PCDH11X: variants seen among roughly 807,000 people sequenced by gnomAD.
PCDH11X encodes the protein protocadherin 11 X-linked.
Under a neutral mutation model 53.3 loss-of-function variants are expected in PCDH11X, and 18 were observed. The observed-to-expected ratio is 0.34, with a 90% CI of 0.23 to 0.50. The LOEUF (loss-of-function observed/expected upper bound fraction) is 0.50. PCDH11X is among the 20% of genes least tolerant of loss of function. The pLI, the probability that PCDH11X is intolerant of heterozygous loss-of-function variation, is 0.98. For synonymous variants in PCDH11X, 279 were observed against 393.3 expected (o/e 0.71, Z 3.44); for missense variants, 570 against 1,032.4 (o/e 0.55, Z 6.14).
intron 9 of PCDH11X, among the ~76,000 whole-genome samples, chrX:92,411,049 T>G (rs924054214): frequency 2.5e-4 from 27 of 108,961 alleles, no homozygotes; most frequent in African/African-American, 9.2e-4. Flanking sequence ...AGTCAACAGA[T>G]TACATTTAAA....
chrX:92,303,321 C>T (rs1009812598), intron 8 of PCDH11X, among the ~76,000 whole-genome samples: 3 of 110,435 alleles, frequency 2.7e-5, no homozygotes, highest in African/African-American at 9.8e-5. Context: ...AAGAAGATAA[C>T]AAAACTGAAT....
intron 6 of PCDH11X, among the ~76,000 whole-genome samples, chrX:91,912,641 T>C (rs1941410287): frequency 9.0e-6 from 1 of 111,165 alleles, no homozygotes; most frequent in South Asian, 3.8e-4. Flanking sequence ...TGATCGATCT[T>C]TTTAATGTGG....
chrX:92,526,642 G>A (rs1014754563), intron 10 of PCDH11X, among the ~76,000 whole-genome samples: 2 of 109,525 alleles, frequency 1.8e-5, no homozygotes, highest in Non-Finnish European at 3.8e-5. Flanking sequence ...ATATGCTAGT[G>A]CAGATGTGGA....
chrX:91,782,402 G>A (rs1935181511), intron 1 of PCDH11X, among the ~76,000 whole-genome samples: 1 of 102,120 alleles, frequency 9.8e-6, no homozygotes, highest in Non-Finnish European at 2.0e-5. Context: ...ATTTTAGAGG[G>A]CAAGTGTTCC....
At chrX:92,132,479 G>A (rs1433472516) in intron 6 of PCDH11X, among the ~76,000 whole-genome samples, 1 of 101,812 alleles carries the variant, frequency 9.8e-6, no homozygotes, top group African/African-American at 3.5e-5. Flanking sequence ...GTGGTAGTGT[G>A]TGCCCGTAGT....
intron 7 of PCDH11X, among the ~76,000 whole-genome samples, chrX:92,237,107 T>C (rs959609204): frequency 2.7e-5 from 3 of 111,498 alleles, no homozygotes; most frequent in African/African-American, 9.7e-5. Flanking sequence ...ATTTTTGTCA[T>C]TCTAGTATAC....
intron 8 of PCDH11X, among the ~76,000 whole-genome samples, chrX:92,293,504 G>A (rs769387820): frequency 1.8e-4 from 20 of 108,969 alleles, no homozygotes; most frequent in Non-Finnish European, 3.4e-4. Context: ...GGCGCCTGTA[G>A]TCCCAGCTAC....
intron 10 of PCDH11X, among the ~76,000 whole-genome samples, chrX:92,534,184 A>G (rs1294266912): frequency 9.1e-6 from 1 of 110,354 alleles, no homozygotes; most frequent in Non-Finnish European, 1.9e-5. Flanking sequence ...GCTAACTAGA[A>G]TAAACAGTGT....
At chrX:92,266,364 C>T (rs2067829972) in intron 8 of PCDH11X, among the ~76,000 whole-genome samples, 1 of 111,712 alleles carries the variant, frequency 9.0e-6, no homozygotes, top group African/African-American at 3.3e-5. Context: ...ATTATCTTAG[C>T]TAAGAATGAA....
Position 92,406,504 on chromosome X carries a change from G to A in PCDH11X, c.3343+18571G>A, listed in dbSNP as rs200740501. On this transcript the variant is annotated intron_variant, in intron 9 of 10. Transcript: ENST00000682573. ...TTGTTGGATGAAAAGGAATGTGCAAGTTTTATTATTAAAATTTTCAATCAT... is the reference window on the plus strand; with the variant it reads ...TTGTTGGATGAAAAGGAATGTGCAAATTTTATTATTAAAATTTTCAATCAT... Among the ~76,000 whole-genome samples the A allele has an allele frequency of 2.6e-3, 259 of 101,268 alleles. 8 individuals carry two copies. In the East Asian group the frequency reaches 0.058, roughly 23 times the overall value. 87.9% of individuals were successfully genotyped at this position (101,268 alleles called of 115,157 possible).
chrX:92,189,712 C>A (rs987854000), intron 6 of PCDH11X, among the ~76,000 whole-genome samples: 3 of 111,972 alleles, frequency 2.7e-5, no homozygotes, highest in Non-Finnish European at 5.6e-5. Flanking sequence ...TTCTGTGCAA[C>A]CTCGCCAGCA....
At position 92,621,982 on chromosome X, in the gene PCDH11X, T is replaced by C. The variant is rs752833898; in HGVS notation, c.*3042T>C. ...TGTGAGTATGTATTCAAATACTAAG[T>C]ATCTTATATGCTACGTGCATACACA... On this transcript the variant is annotated 3_prime_UTR_variant, in exon 11 of 11. Transcript: ENST00000682573. The C allele has an allele frequency of 6.2e-4, 64 of 102,959 alleles. No homozygotes were observed. Among genetic ancestry groups the C allele is most frequent in the African/African-American group, 2.3e-3 (64 of 28,158 alleles). The allele number at this position is 102,959 out of a possible 1,213,427, so 8.5% of individuals were successfully genotyped here. A position where few individuals can be genotyped will look rare whatever the true frequency, so the allele number is the denominator to read the frequency against.
In PCDH11X at chrX:92,622,107, G is replaced by A. The variant is rs1007296192; in HGVS notation, c.*3167G>A. On this transcript the variant is annotated 3_prime_UTR_variant, in exon 11 of 11. Transcript: ENST00000682573. ...ATCTACAATGTAATAAATTTAGAGA[G>A]TAATTTTGTGTATTCTTATTTACTT... 3 of 99,865 alleles carry A rather than the reference G, an allele frequency of 3.0e-5. No homozygotes were observed. The highest frequency in any genetic ancestry group is 4.0e-5 in the Non-Finnish European group (2 of 49,482). 8.2% of individuals were successfully genotyped at this position (99,865 alleles called of 1,213,427 possible). A position where few individuals can be genotyped will look rare whatever the true frequency, so the allele number is the denominator to read the frequency against.
chrX:92,196,714 C>G (rs752490755), intron 6 of PCDH11X, among the ~76,000 whole-genome samples: 1 of 111,187 alleles, frequency 9.0e-6, no homozygotes, highest in Admixed American at 9.7e-5. Context: ...AGGGTCATTT[C>G]TGAATGGGAA....
intron 6 of PCDH11X, among the ~76,000 whole-genome samples, chrX:92,121,551 G>A (rs1190347233): frequency 9.0e-6 from 1 of 111,275 alleles, no homozygotes; most frequent in Non-Finnish European, 1.9e-5. Context: ...TCACTAGGGT[G>A]TCTTGTGCCA....
intron 5 of PCDH11X, among the ~76,000 whole-genome samples, chrX:91,837,940 A>C (rs1212284856): frequency 8.9e-6 from 1 of 111,800 alleles, no homozygotes; most frequent in Non-Finnish European, 1.9e-5. Context: ...AGTGGCTATC[A>C]TACTGCACAG....
chrX:91,886,859 T>C (rs1196416755), intron 6 of PCDH11X, among the ~76,000 whole-genome samples: 1 of 105,950 alleles, frequency 9.4e-6, no homozygotes, highest in African/African-American at 3.5e-5. Flanking sequence ...TAGTCCCAGC[T>C]ACTCGGGAGG....
At chrX:92,406,089 A>T (rs1387702610) in intron 9 of PCDH11X, among the ~76,000 whole-genome samples, 1 of 54,569 alleles carries the variant, frequency 1.8e-5, no homozygotes. Context: ...ACAGAGTGAG[A>T]CTCTGTCTCA....
chrX:92,194,809 A>G (rs1383954626), intron 6 of PCDH11X, among the ~76,000 whole-genome samples: 1 of 111,153 alleles, frequency 9.0e-6, no homozygotes, highest in African/African-American at 3.3e-5. Context: ...AGTTCTGCAC[A>G]GAAACATTAA....
Sources: gnomAD v4.1 joint callset for allele counts (sites outside exome capture counted in the v4.1 genomes callset) on GRCh38, gnomAD v4.1.1 for gene constraint, MANE v1.5 for transcripts, NCBI Gene and HGNC (gene_info 2026-07-23, HGNC 2026-07-21) for gene names.